KIAA1217: variants seen among roughly 807,000 people sequenced by gnomAD.
KIAA1217 encodes sickle tail protein homolog.
A neutral mutation model predicts 163.9 loss-of-function variants in KIAA1217; 88 were observed. The observed-to-expected ratio is 0.54, with a 90% CI of 0.45 to 0.64. The LOEUF (loss-of-function observed/expected upper bound fraction) is 0.64. Among genes scored for constraint, KIAA1217 ranks in the 30% least tolerant of loss-of-function variants. KIAA1217 has a pLI of 0.00. For synonymous variants in KIAA1217, 903 were observed against 923.1 expected, an observed-to-expected ratio of 0.98 and a Z score of 0.39; for missense variants, 2,372 against 2,475.0, an observed-to-expected ratio of 0.96 and a Z score of 0.88.
intron 1 of KIAA1217, among the ~76,000 whole-genome samples, chr10:23,852,218 C>A (rs1239400601): frequency 6.6e-6 from 1 of 152,140 alleles, no homozygotes; most frequent in Non-Finnish European, 1.5e-5. Flanking sequence ...GATCCAGTTT[C>A]AGCTTTCTAC....
At chr10:24,356,013 C>T (rs1329953573) in intron 2 of KIAA1217, among the ~76,000 whole-genome samples, 1 of 152,022 alleles carries the variant, frequency 6.6e-6, no homozygotes, top group South Asian at 2.1e-4. Context: ...TCCCAAAGTG[C>T]TGGGATTACA....
intron 1 of KIAA1217, among the ~76,000 whole-genome samples, chr10:23,698,716 T>C (rs1836209825): frequency 6.6e-6 from 1 of 152,298 alleles, no homozygotes; most frequent in South Asian, 2.1e-4. Flanking sequence ...TTGTCGACCG[T>C]AGGCTTAAGA....
Position 24,027,782 on chromosome 10 carries a change from A to T in KIAA1217, c.-171+20408A>T, listed in dbSNP as rs117293230. 7.2e-3 allele frequency among the ~76,000 whole-genome samples: 1,098 copies of T among 152,258 alleles called. 9 individuals carry two copies. Among genetic ancestry groups the T allele is most frequent in the Non-Finnish European group, 0.014 (931 of 67,998 alleles). On this transcript the variant is annotated intron_variant, in intron 2 of 18. Coordinates refer to the KIAA1217 transcript ENST00000376462. ...GATGTTTATAACATTTGTGTATAAGAACAAAGGACTAAGAATTCCCGGGAA... is the reference window on the plus strand; with the variant it reads ...GATGTTTATAACATTTGTGTATAAGTACAAAGGACTAAGAATTCCCGGGAA...
At chr10:24,266,939 T>C (rs2076294637) in intron 2 of KIAA1217, among the ~76,000 whole-genome samples, 1 of 152,158 alleles carries the variant, frequency 6.6e-6, no homozygotes, top group Non-Finnish European at 1.5e-5. Context: ...CACTCAGGAC[T>C]GCGAAGGTCC....
intron 1 of KIAA1217, among the ~76,000 whole-genome samples, chr10:24,209,695 C>T (rs115992299): frequency 1.4e-4 from 21 of 152,138 alleles, no homozygotes; most frequent in Non-Finnish European, 2.5e-4. Flanking sequence ...ATGCTGGCTG[C>T]AAAGTTTGTG....
chr10:23,838,563 C>A (rs1838606503), intron 1 of KIAA1217, among the ~76,000 whole-genome samples: 1 of 152,034 alleles, frequency 6.6e-6, no homozygotes, highest in South Asian at 2.1e-4. Flanking sequence ...GAGGCTCAAG[C>A]AATTCTCCTG....
intron 1 of KIAA1217, among the ~76,000 whole-genome samples, chr10:23,868,045 A>G (rs1437872375): frequency 6.6e-6 from 1 of 152,006 alleles, no homozygotes; most frequent in African/African-American, 2.4e-5. Flanking sequence ...TAAGGAAGGG[A>G]TCCAGTTTCA....
In KIAA1217 at chr10:24,545,866, C is replaced by T; in HGVS notation, c.5374C>T (p.Pro1792Ser). The T allele has an allele frequency of 6.2e-7, 1 of 1,609,964 alleles. No homozygotes were observed. Among genetic ancestry groups the T allele is most frequent in the Non-Finnish European group, 8.5e-7 (1 of 1,178,394 alleles). ...TAAGAAATCTGGTGGGGACTTTAAG[C>T]CTACTTCCCCCTCCTTACCTGCTTC... ...SAKKSGGDFK[P>S]TSPSLPASKI... Residue 1792 changes from proline (P) to serine (S), a missense_variant, in exon 21 of 21, where the codon CCT (proline) becomes TCT (serine). Physicochemically the swap from Pro to Ser is moderately conservative, Grantham distance 74. This residue lies in a region of KIAA1217 where 690 missense variants were observed against 677.5 expected (regional missense o/e 1.02). Coordinates refer to ENST00000376454, the MANE Select transcript of KIAA1217 (RefSeq NM_019590.5).
chr10:24,015,126 T>A (rs1847416711), intron 2 of KIAA1217, among the ~76,000 whole-genome samples: 1 of 152,068 alleles, frequency 6.6e-6, no homozygotes, highest in East Asian at 1.9e-4. Flanking sequence ...ACCAACAAAG[T>A]AAATGGCAAA....
chr10:24,236,370 C>A (rs1398013201), intron 2 of KIAA1217, among the ~76,000 whole-genome samples: 1 of 152,156 alleles, frequency 6.6e-6, no homozygotes, highest in African/African-American at 2.4e-5. Flanking sequence ...CCTGCCTCAG[C>A]CTCCCAAGTA....
chr10:24,525,392 C>A (rs1280074758), intron 13 of KIAA1217, among the ~76,000 whole-genome samples: 1 of 152,104 alleles, frequency 6.6e-6, no homozygotes. Flanking sequence ...CATGACTAAG[C>A]CTGTCTAAGT....
chr10:23,754,614 T>C (rs1833828419), intron 1 of KIAA1217, among the ~76,000 whole-genome samples: 1 of 152,210 alleles, frequency 6.6e-6, no homozygotes, highest in Non-Finnish European at 1.5e-5. Context: ...CCTTCATAGC[T>C]TCTCCCGCTC....
chr10:24,528,020 C>T lies in KIAA1217; in HGVS notation c.2983C>T (p.Gln995Ter). 2 of 1,614,124 alleles carry T rather than the reference C, an allele frequency of 1.2e-6. No individual in the cohort carries two copies. The highest frequency in any genetic ancestry group is 2.2e-5 in the East Asian group (1 of 44,864). The change falls in exon 14 of 21, where the codon CAG becomes TAG. Residue 995 changes from glutamine to a stop codon, truncating the protein, a stop_gained. Coordinates refer to ENST00000376454, the MANE Select transcript of KIAA1217 (RefSeq NM_019590.5). LOFTEE classifies it high-confidence loss of function. ...KEFEKLLEEA[Q>*]ANIMKSIPNL... is the part of the protein sequence containing the mutation. ...GTTTGAGAAGCTCCTAGAAGAAGCT[C>T]AGGCCAATATCATGAAGTCAATACC... is the stretch of plus-strand genomic sequence containing the variant.
intron 2 of KIAA1217, among the ~76,000 whole-genome samples, chr10:24,014,436 A>G (rs1847384032): frequency 6.6e-6 from 1 of 152,186 alleles, no homozygotes; most frequent in South Asian, 2.1e-4. Flanking sequence ...CACTACTTCA[A>G]AAATAATTGC....
At chr10:24,392,989 A>G (rs2055191420) in intron 3 of KIAA1217, among the ~76,000 whole-genome samples, 3 of 151,994 alleles carry the variant, frequency 2.0e-5, no homozygotes, top group African/African-American at 7.3e-5. Flanking sequence ...TTGAAAGCTA[A>G]TTTTCAGATA....
intron 2 of KIAA1217, among the ~76,000 whole-genome samples, chr10:24,182,859 A>G (rs998158970): frequency 2.0e-5 from 3 of 151,996 alleles, no homozygotes; most frequent in Non-Finnish European, 4.4e-5. Flanking sequence ...ATAACAATAC[A>G]CTCTAGTTAT....
chr10:24,201,065 G>A (rs7894038), intron 2 of KIAA1217, among the ~76,000 whole-genome samples: 81,331 of 151,810 alleles, frequency 0.54, 22,304 homozygotes, highest in Middle Eastern at 0.64. Context: ...GAGGTCAGGC[G>A]TTCGAGACCA....
At chr10:23,979,735 G>T (rs1257407573) in intron 1 of KIAA1217, among the ~76,000 whole-genome samples, 1 of 152,074 alleles carries the variant, frequency 6.6e-6, no homozygotes, top group African/African-American at 2.4e-5. Context: ...TAGTGTGGAA[G>T]CCAAATTGCA....
intron 2 of KIAA1217, among the ~76,000 whole-genome samples, chr10:24,291,992 T>G (rs1163819153): frequency 6.6e-6 from 1 of 152,168 alleles, no homozygotes; most frequent in Non-Finnish European, 1.5e-5. Context: ...GGAACAACAT[T>G]GGAGGATTTT....
Sources: gnomAD v4.1 joint callset for allele counts (sites outside exome capture counted in the v4.1 genomes callset) on GRCh38, gnomAD v4.1.1 for gene constraint, gnomAD v4.1.1 regional missense constraint, MANE v1.5 for transcripts, NCBI Gene and HGNC (gene_info 2026-07-23, HGNC 2026-07-21) for gene names.